Variants in GALNT3 observed in about 807,000 individuals in gnomAD.
GALNT3 encodes polypeptide N-acetylgalactosaminyltransferase 3, also known as GalNAc transferase 3.
A neutral mutation model predicts 69.8 loss-of-function variants in GALNT3; 51 were observed. The observed-to-expected ratio is 0.73, with a 90% confidence interval of 0.58 to 0.92. The LOEUF is 0.92. Ranked by LOEUF, GALNT3 falls within the 40% of genes least tolerant of loss-of-function variation. The probability of loss-of-function intolerance (pLI) is 0.00; values close to 1 mark genes in which losing one functional copy is unlikely to be tolerated. For missense variants in GALNT3, 711 were observed against 760.0 expected (o/e 0.94, Z 0.76); for synonymous variants, 265 against 248.5 (o/e 1.07, Z -0.63).
At chr2:165,778,848 A>G (rs972245104) in intron 1 of GALNT3, among the ~76,000 whole-genome samples, 4 of 152,206 alleles carry the variant, frequency 2.6e-5, no homozygotes, top group African/African-American at 9.7e-5. Context: ...TTCATGTGCC[A>G]CACAGGTAAC....
intron 1 of GALNT3, among the ~76,000 whole-genome samples, chr2:165,774,407 GAT>G (rs1688808093): frequency 6.6e-6 from 1 of 152,192 alleles, no homozygotes; most frequent in African/African-American, 2.4e-5. Flanking sequence ...CTACAGTAGT[GAT>G]AGTTTTCCCA....
At chr2:165,748,944 C>T (rs781583275) in intron 10 of GALNT3, 41 bp from the exon 11 acceptor site, 1 of 1,578,616 alleles carries the variant, frequency 6.3e-7, no homozygotes, top group South Asian at 1.1e-5. Context: ...TTCCAAGACT[C>T]ATAGTTAAGT....
At chr2:165,753,403 T>A (rs373745860) in intron 9 of GALNT3, among the ~76,000 whole-genome samples, 2 of 139,660 alleles carry the variant, frequency 1.4e-5, no homozygotes, top group African/African-American at 5.5e-5. Context: ...TCCTACCTAC[T>A]TTTTTTTTTT....
At position 165,757,173 on chromosome 2, in the gene GALNT3, A is replaced by C. The variant is rs1313418411; in HGVS notation, c.1266T>G (p.Pro422=). The C allele has an allele frequency of 1.9e-6, 3 of 1,613,988 alleles. No homozygotes were observed. Among genetic ancestry groups the C allele is most frequent in the Non-Finnish European group, 2.5e-6 (3 of 1,179,982 alleles). ...CCTGAGTGCCTTTTGGAAAGCTATG[A>C]GGGCTTTTGCTGCGAAAAACATGTC... is the stretch of plus-strand genomic sequence containing the variant. ...VVGHVFRSKS[P]HSFPKGTQVI... Residue 422 remains proline (P), a synonymous_variant, in exon 7 of 11, where the codon CCT becomes CCG. Coordinates refer to ENST00000392701, the MANE Select transcript of GALNT3 (RefSeq NM_004482.4).
At position 165,762,063 on chromosome 2, in the gene GALNT3, A is replaced by G; in HGVS notation, c.689-9T>C. ...TTTATCATGTAAGTACTCTGTAAGGAAAAAAAATCAGGGTTAATTCTTTCT... is the reference window on the plus strand; with the variant it reads ...TTTATCATGTAAGTACTCTGTAAGGGAAAAAAATCAGGGTTAATTCTTTCT... On this transcript the variant is annotated splice_polypyrimidine_tract_variant and intron_variant, in intron 3 of 10. Transcript: ENST00000392701. 2 of 1,510,802 alleles carry G rather than the reference A, an allele frequency of 1.3e-6. No homozygotes were observed. The highest frequency in any genetic ancestry group is 1.8e-6 in the Non-Finnish European group (2 of 1,088,012). The allele number at this position is 1,510,802 out of a possible 1,614,324, so 93.6% of individuals were successfully genotyped here.
chr2:165,753,926 T>C (rs1013394693), intron 9 of GALNT3, among the ~76,000 whole-genome samples: 8 of 152,226 alleles, frequency 5.3e-5, no homozygotes, highest in Admixed American at 1.3e-4. Flanking sequence ...TAATTTGTGA[T>C]TCAATCCAGT....
At chr2:165,780,741 C>T (rs1459463840) in intron 1 of GALNT3, among the ~76,000 whole-genome samples, 2 of 151,880 alleles carry the variant, frequency 1.3e-5, no homozygotes, top group East Asian at 3.9e-4. Flanking sequence ...TTGAAAGAGA[C>T]AAGGCAATGC....
intron 9 of GALNT3, 31 bp downstream of exon 9, chr2:165,754,596 A>T: frequency 6.8e-7 from 1 of 1,479,532 alleles, no homozygotes; most frequent in Non-Finnish European, 9.5e-7. Flanking sequence ...TAAATGCTTT[A>T]CAAGTGAAGG....
intron 2 of GALNT3, among the ~76,000 whole-genome samples, chr2:165,769,871 T>C (rs1014786275): frequency 2.6e-5 from 4 of 151,964 alleles, no homozygotes; most frequent in Non-Finnish European, 5.9e-5. Flanking sequence ...GTCCAATAAT[T>C]CCCCCTAAAT....
intron 4 of GALNT3, among the ~76,000 whole-genome samples, chr2:165,759,959 A>AT (rs1688515185): frequency 6.6e-6 from 1 of 152,058 alleles, no homozygotes; most frequent in South Asian, 2.1e-4. Context: ...AGAAGGGGAG[A>AT]TTTTTTAAAG....
At chr2:165,774,099 T>G (rs1357604460) in intron 1 of GALNT3, among the ~76,000 whole-genome samples, 1 of 152,174 alleles carries the variant, frequency 6.6e-6, no homozygotes, top group Non-Finnish European at 1.5e-5. Flanking sequence ...GGTCAAAATG[T>G]TGGGGTCTCA....
intron 2 of GALNT3, 136 bp downstream of exon 2, chr2:165,770,050 C>A: frequency 1.0e-6 from 1 of 976,662 alleles, no homozygotes; most frequent in Admixed American, 2.0e-5. Context: ...AAAATAAATA[C>A]AACAGGTTAA....
In GALNT3 at chr2:165,793,860, C is replaced by G. The variant is rs116003508; in HGVS notation, c.-109+155G>C. 1,501 of 152,794 alleles carry G rather than the reference C, an allele frequency of 9.8e-3. 10 individuals carry two copies. The highest frequency in any genetic ancestry group is 0.023 in the Middle Eastern group (7 of 298). The allele number at this position is 152,794 out of a possible 1,614,324, so 9.5% of individuals were successfully genotyped here. On this transcript the variant is annotated intron_variant, in intron 1 of 10. Transcript: ENST00000392701. ...CCAGGGCGCCCCTTTCGGGATCTCTCCAGGGGCAACCGACACACTGCTCTC... is the reference window on the plus strand; with the variant it reads ...CCAGGGCGCCCCTTTCGGGATCTCTGCAGGGGCAACCGACACACTGCTCTC...
chr2:165,765,516 G>A (rs577843960), intron 2 of GALNT3, among the ~76,000 whole-genome samples: 3 of 148,402 alleles, frequency 2.0e-5, no homozygotes, highest in African/African-American at 7.5e-5. Flanking sequence ...TTTTTATGGA[G>A]TCTCTCTCTG....
At chr2:165,771,305 C>A (rs1411457106) in intron 1 of GALNT3, 1 of 152,132 alleles carries the variant, frequency 6.6e-6, no homozygotes, top group Non-Finnish European at 1.5e-5. Flanking sequence ...AATGATAATA[C>A]AGCAGTTTCA....
At chr2:165,777,294 C>T (rs548266360) in intron 1 of GALNT3, among the ~76,000 whole-genome samples, 1 of 152,080 alleles carries the variant, frequency 6.6e-6, no homozygotes, top group South Asian at 2.1e-4. Flanking sequence ...AGAAAAAAAA[C>T]AAAATTACAT....
chr2:165,775,566 C>T (rs1688832880), intron 1 of GALNT3, among the ~76,000 whole-genome samples: 1 of 152,164 alleles, frequency 6.6e-6, no homozygotes, highest in Non-Finnish European at 1.5e-5. Flanking sequence ...CTGTACTTTG[C>T]TGTTAATGTG....
At chr2:165,759,187 A>T in intron 5 of GALNT3, 149 bp downstream of exon 5, 2 of 722,416 alleles carry the variant, frequency 2.8e-6, no homozygotes, top group Non-Finnish European at 2.4e-6. Flanking sequence ...GCAAGTACAC[A>T]AATGAATGAC....
At chr2:165,774,909 CTTT>C (rs71031204) in intron 1 of GALNT3, among the ~76,000 whole-genome samples, 12 of 104,328 alleles carry the variant, frequency 1.2e-4, no homozygotes, top group Non-Finnish European at 1.8e-4. Context: ...CTTCTTCTCT[CTTT>C]TTTTTTTTTT....
Sources: gnomAD v4.1 joint callset for allele counts (sites outside exome capture counted in the v4.1 genomes callset) on GRCh38, gnomAD v4.1.1 for gene constraint, MANE v1.5 for transcripts, NCBI Gene and HGNC (gene_info 2026-07-23, HGNC 2026-07-21) for gene names.